The following TG variants were observed in gnomAD, a reference collection of about 807,000 sequenced individuals.
The protein encoded by TG is thyroid hormones.
Under a neutral mutation model 324.7 loss-of-function variants are expected in TG, and 270 were observed. The ratio of observed to expected loss-of-function variants is 0.83; its 90% confidence interval spans 0.75 to 0.92. The LOEUF (loss-of-function observed/expected upper bound fraction) is 0.92. Among genes scored for constraint, TG ranks in the 40% least tolerant of loss-of-function variants. The probability of loss-of-function intolerance (pLI) is 0.00; values close to 1 mark genes in which losing one functional copy is unlikely to be tolerated. For synonymous variants in TG, 1,401 were observed against 1,327.0 expected, an observed-to-expected ratio of 1.06 and a Z score of -1.21; for missense variants, 3,591 against 3,456.4, an observed-to-expected ratio of 1.04 and a Z score of -0.98.
At chr8:133,021,616 C>A (rs1035582840) in intron 39 of TG, among the ~76,000 whole-genome samples, 1 of 152,172 alleles carries the variant, frequency 6.6e-6, no homozygotes, top group African/African-American at 2.4e-5. Flanking sequence ...CAAGGTGTTG[C>A]AGGACTGGTT....
chr8:133,052,887 C>G (rs1345265457), intron 41 of TG, among the ~76,000 whole-genome samples: 2 of 152,236 alleles, frequency 1.3e-5, no homozygotes, highest in Non-Finnish European at 2.9e-5. Flanking sequence ...CCTCCTTCTC[C>G]TCTTGGGCCT....
At chr8:133,004,744 TG>T (rs1833874793) in intron 35 of TG, among the ~76,000 whole-genome samples, 1 of 152,184 alleles carries the variant, frequency 6.6e-6, no homozygotes, top group Non-Finnish European at 1.5e-5. Flanking sequence ...CACATCTGCC[TG>T]GTACCCTGGA....
In TG at chr8:132,935,746, C is replaced by T. The variant is rs1179241777; in HGVS notation, c.4933-10C>T. Reference sequence around the variant, plus strand: ...TGCAGGATAATAATGCAGCATCTTTCCATCTCCAGAAACGAGATGCACTGG... The same window carrying T: ...TGCAGGATAATAATGCAGCATCTTTTCATCTCCAGAAACGAGATGCACTGG... On this transcript the variant is annotated splice_polypyrimidine_tract_variant and intron_variant, in intron 24 of 47. Transcript: ENST00000220616. The T allele has an allele frequency of 6.2e-7, 1 of 1,601,222 alleles. No individual in the cohort carries two copies. The highest frequency in any genetic ancestry group is 8.6e-7 in the Non-Finnish European group (1 of 1,169,560).
intron 45 of TG, among the ~76,000 whole-genome samples, chr8:133,126,367 C>T (rs1019267641): frequency 1.3e-5 from 2 of 152,170 alleles, no homozygotes; most frequent in Admixed American, 6.5e-5. Flanking sequence ...GGTAAGCACA[C>T]AACACAGTTA....
At position 133,133,505 on chromosome 8, in the gene TG, T is replaced by C. The variant is rs1588156485; in HGVS notation, c.8033T>C (p.Val2678Ala). 3 of 1,614,214 alleles carry C rather than the reference T, an allele frequency of 1.9e-6. No homozygotes were observed. The highest frequency in any genetic ancestry group is 2.7e-5 in the African/African-American group (2 of 75,076). ...PNYPYEFSRK[V>A]PTFATPWPDF... ...TACCCTTATGAGTTCTCACGGAAAG[T>C]ACCCACATTTGCAACCCCCTGGCCT... is the stretch of plus-strand genomic sequence containing the variant. The change falls in exon 47 of 48, where the codon GTA (valine) becomes GCA (alanine). Residue 2678 changes from valine (V) to alanine (A), a missense_variant. Transcript: ENST00000220616.
intron 45 of TG, among the ~76,000 whole-genome samples, chr8:133,123,259 C>G (rs1851278400): frequency 6.6e-6 from 1 of 152,048 alleles, no homozygotes; most frequent in Non-Finnish European, 1.5e-5. Flanking sequence ...TGTCCCCTGC[C>G]AAGATGCTGT....
At chr8:133,131,288 G>C (rs907686788) in intron 45 of TG, among the ~76,000 whole-genome samples, 1 of 152,206 alleles carries the variant, frequency 6.6e-6, no homozygotes, top group Non-Finnish European at 1.5e-5. Context: ...ATTTAATCCA[G>C]TCTAGCATGT....
chr8:133,017,595 G>T, intron 37 of TG, 183 bp from the exon 38 acceptor site: 27 of 653,922 alleles, frequency 4.1e-5, no homozygotes, highest in Admixed American at 2.9e-4. Flanking sequence ...CATTTTTTTT[G>T]TTTGTTTACA....
At chr8:132,893,623 C>T in intron 10 of TG, 67 bp from the exon 11 acceptor site, 1 of 1,607,388 alleles carries the variant, frequency 6.2e-7, no homozygotes, top group Non-Finnish European at 8.5e-7. Flanking sequence ...GGCACACATG[C>T]TTCATGGGAG....
At chr8:133,045,174 G>A in intron 41 of TG, 1 of 1,594,674 alleles carries the variant, frequency 6.3e-7, no homozygotes, top group Non-Finnish European at 8.6e-7. Flanking sequence ...AAGGCACCCA[G>A]CTAACCAGCC....
intron 35 of TG, among the ~76,000 whole-genome samples, chr8:132,996,672 C>A (rs966950000): frequency 8.5e-5 from 13 of 152,104 alleles, no homozygotes; most frequent in Admixed American, 3.3e-4. Context: ...ATTAGTGGAA[C>A]AGTAAACATA....
At chr8:132,937,353 C>A (rs75278543) in intron 25 of TG, among the ~76,000 whole-genome samples, 1 of 152,204 alleles carries the variant, frequency 6.6e-6, no homozygotes, top group East Asian at 1.9e-4. Flanking sequence ...GTAGCAATTG[C>A]GAGCCCACAG....
chr8:133,107,206 G>T (rs1849875871), intron 43 of TG, among the ~76,000 whole-genome samples: 1 of 152,138 alleles, frequency 6.6e-6, no homozygotes, highest in South Asian at 2.1e-4. Context: ...AATCTTCTGA[G>T]GCCACAGAAT....
At chr8:133,100,527 C>G (rs775486734) in intron 43 of TG, among the ~76,000 whole-genome samples, 1 of 152,198 alleles carries the variant, frequency 6.6e-6, no homozygotes, top group Non-Finnish European at 1.5e-5. Context: ...ATGTGCTGGG[C>G]CCTAACCTGG....
intron 43 of TG, among the ~76,000 whole-genome samples, chr8:133,109,303 T>G (rs998682361): frequency 6.6e-6 from 1 of 152,214 alleles, no homozygotes; most frequent in Non-Finnish European, 1.5e-5. Context: ...AGTCAGAATC[T>G]GTATTTTATC....
chr8:132,897,850 G>A (rs1239266833), intron 12 of TG, 64 bp downstream of exon 12: 4 of 1,591,332 alleles, frequency 2.5e-6, no homozygotes, highest in Non-Finnish European at 3.4e-6. Context: ...AGAGGACAGA[G>A]CCCCACACTG....
intron 43 of TG, chr8:133,102,472 G>A (rs733735): frequency 0.5 from 642,918 of 1,294,318 alleles, 162,115 homozygotes; most frequent in Middle Eastern, 0.52. Flanking sequence ...AAGTCCCTCT[G>A]AAGACCCTCC....
chr8:133,062,163 C>A (rs1414017209), intron 41 of TG, among the ~76,000 whole-genome samples: 1 of 152,154 alleles, frequency 6.6e-6, no homozygotes, highest in East Asian at 1.9e-4. Context: ...AAGAGGATGC[C>A]CTTGCAAATT....
chr8:132,868,344 C>T (rs1475563215), intron 2 of TG, 121 bp downstream of exon 2: 48 of 936,224 alleles, frequency 5.1e-5, no homozygotes, highest in Middle Eastern at 2.9e-4. Flanking sequence ...GGCTTGGCCA[C>T]TGTCATTTGG....
Sources: allele counts gnomAD v4.1 joint callset (sites outside exome capture counted in the v4.1 genomes callset), GRCh38; gene constraint gnomAD v4.1.1; transcripts MANE v1.5; gene names NCBI Gene and HGNC (gene_info 2026-07-23, HGNC 2026-07-21).